PUM1: variants seen among roughly 807,000 people sequenced by gnomAD.
PUM1 encodes the protein pumilio RNA binding family member 1, also known as pumilio homolog 1.
PUM1 carries 13 observed loss-of-function variants against 131.8 expected under a neutral mutation model. The observed-to-expected ratio is 0.10, with a 90% CI of 0.06 to 0.16. PUM1 has a LOEUF of 0.16. PUM1 is among the 10% of genes least tolerant of loss of function. The pLI is 1.00. For synonymous variants in PUM1, 509 were observed against 556.5 expected (o/e 0.91, Z 1.20); for missense variants, 961 against 1,512.4 (o/e 0.64, Z 6.05).
chr1:30,964,380 A>G (rs1430381372), intron 14 of PUM1, among the ~76,000 whole-genome samples: 1 of 152,162 alleles, frequency 6.6e-6, no homozygotes, highest in Non-Finnish European at 1.5e-5. Context: ...ACTGAAATGA[A>G]CCTGTGTTTA....
At chr1:30,976,395 G>C (rs1641138492) in intron 9 of PUM1, among the ~76,000 whole-genome samples, 1 of 152,178 alleles carries the variant, frequency 6.6e-6, no homozygotes, top group Non-Finnish European at 1.5e-5. Context: ...TTTCCAACTT[G>C]ATTCATTAAC....
At chr1:31,028,304 A>T (rs2124545997) in intron 3 of PUM1, among the ~76,000 whole-genome samples, 1 of 152,036 alleles carries the variant, frequency 6.6e-6, no homozygotes, top group Admixed American at 6.6e-5. Flanking sequence ...AAACCTAACA[A>T]CTTCCCTTTC....
In PUM1 at chr1:30,936,636, G is replaced by A. The variant is rs115183923; in HGVS notation, c.3435+7C>T. ...CTTTCTCTGAGACCCTGCCCAGCCC[G>A]GCCTACCTTATGCATGACGATCTTC... On this transcript the variant is annotated splice_region_variant and intron_variant, in intron 21 of 21. Transcript: ENST00000426105. 3.5e-4 allele frequency: 557 copies of A among 1,610,836 alleles called. 1 individual carries two copies. In the African/African-American group the frequency reaches 6.6e-3, roughly 19 times the overall value.
chr1:31,034,120 C>G (rs1643527653), intron 2 of PUM1, among the ~76,000 whole-genome samples: 1 of 152,172 alleles, frequency 6.6e-6, no homozygotes. Context: ...ACCATGCATT[C>G]TGGAATAAAA....
chr1:31,029,786 G>T (rs960545756), intron 2 of PUM1, among the ~76,000 whole-genome samples: 1 of 151,956 alleles, frequency 6.6e-6, no homozygotes, highest in Admixed American at 6.6e-5. Flanking sequence ...TTGGGCTGTG[G>T]TGGCACACAC....
chr1:30,989,717 C>T (rs1025326803), intron 7 of PUM1, among the ~76,000 whole-genome samples: 8 of 151,780 alleles, frequency 5.3e-5, no homozygotes, highest in Admixed American at 5.2e-4. Flanking sequence ...CGAGTACTTC[C>T]ATGCACAATT....
chr1:31,065,101 C>A (rs1333995236), intron 1 of PUM1, among the ~76,000 whole-genome samples: 1 of 152,122 alleles, frequency 6.6e-6, no homozygotes, highest in Non-Finnish European at 1.5e-5. Flanking sequence ...GCAAAGTTCC[C>A]CCACGGTGAA....
At chr1:30,983,547 T>C (rs973767194) in intron 7 of PUM1, among the ~76,000 whole-genome samples, 2 of 152,204 alleles carry the variant, frequency 1.3e-5, no homozygotes, top group Non-Finnish European at 2.9e-5. Flanking sequence ...TCTCGATTTA[T>C]TAACCAAAAA....
intron 16 of PUM1, 89 bp downstream of exon 16, chr1:30,952,140 CTGGAA>C: frequency 8.0e-7 from 1 of 1,247,818 alleles, no homozygotes; most frequent in Non-Finnish European, 1.2e-6. Flanking sequence ...ATTCTGAGGA[CTGGAA>C]TGGGACTGCT....
rs550793475 is a variant in PUM1 at position 30,953,997 on chromosome 1, C to G, written c.2324-16G>C. On this transcript the variant is annotated splice_polypyrimidine_tract_variant and intron_variant, in intron 14 of 21. Coordinates refer to ENST00000426105, the MANE Select transcript of PUM1 (RefSeq NM_001020658.2). ...GTGAGTCCTCCTGTTGGTTACAGAA[C>G]AGGATAACTTAAGACCACTCTTCAG... 1.4e-5 allele frequency: 22 copies of G among 1,610,786 alleles called. No individual in the cohort carries two copies. The South Asian group carries it at 2.3e-4, about 17-fold the overall frequency.
chr1:31,000,904 G>A (rs959884787), intron 5 of PUM1, among the ~76,000 whole-genome samples: 1 of 152,178 alleles, frequency 6.6e-6, no homozygotes, highest in African/African-American at 2.4e-5. Context: ...AGCTGGGTGT[G>A]GGCCGGGCAC....
intron 18 of PUM1, among the ~76,000 whole-genome samples, chr1:30,942,931 T>G (rs566127646): frequency 6.6e-6 from 1 of 152,012 alleles, no homozygotes; most frequent in Non-Finnish European, 1.5e-5. Flanking sequence ...TAAAAAAAAA[T>G]TGTGTGTAGA....
Position 30,982,898 on chromosome 1 carries a change from T to C in PUM1, c.1159-1493A>G, listed in dbSNP as rs566945670. 1.8e-4 allele frequency among the ~76,000 whole-genome samples: 28 copies of C among 152,350 alleles called. No homozygotes were observed. The South Asian group carries it at 5.4e-3, about 29-fold the overall frequency. On this transcript the variant is annotated intron_variant, in intron 7 of 21. Coordinates refer to ENST00000426105, the MANE Select transcript of PUM1 (RefSeq NM_001020658.2). ...GGAGTATGAATGTCAAAAGTAACCA[T>C]GCACAGATTTCAAAAATACTTTAGT...
chr1:31,057,551 C>A (rs1644271274), intron 2 of PUM1, among the ~76,000 whole-genome samples: 1 of 151,154 alleles, frequency 6.6e-6, no homozygotes. Context: ...ATGGTGAAAC[C>A]CTCTCTCTGC....
At chr1:31,057,637 A>C (rs1245654633) in intron 2 of PUM1, among the ~76,000 whole-genome samples, 6 of 144,128 alleles carry the variant, frequency 4.2e-5, no homozygotes, top group Non-Finnish European at 7.5e-5. Context: ...AGGCAGGAGA[A>C]TTGCTTAAAC....
At chr1:30,982,972 C>T (rs1277550594) in intron 7 of PUM1, among the ~76,000 whole-genome samples, 2 of 152,092 alleles carry the variant, frequency 1.3e-5, no homozygotes, top group African/African-American at 4.8e-5. Flanking sequence ...TAAAGAAAAA[C>T]TTCACTGCGA....
chr1:31,064,302 C>G (rs1570386765), intron 1 of PUM1, among the ~76,000 whole-genome samples: 2 of 152,108 alleles, frequency 1.3e-5, no homozygotes, highest in African/African-American at 2.4e-5. Flanking sequence ...TGGCCTTGAA[C>G]AAAATGAATT....
In PUM1 at chr1:30,952,113, A is replaced by C. The variant is rs191761973; in HGVS notation, c.2721+121T>G. On this transcript the variant is annotated intron_variant, in intron 16 of 21. Transcript: ENST00000426105. ...GAAAAACACTAAAAACCTCTTCAAA[A>C]AGACCACACACCCTTCATTCTGAGG... is the stretch of plus-strand genomic sequence containing the variant. 1.3e-5 allele frequency: 12 copies of C among 927,600 alleles called. No individual in the cohort carries two copies. The African/African-American group carries it at 2.0e-4, about 15-fold the overall frequency. The allele number at this position is 927,600 out of a possible 1,614,324, so 57.5% of individuals were successfully genotyped here. A position where few individuals can be genotyped will look rare whatever the true frequency, so the allele number is the denominator to read the frequency against.
At chr1:30,962,497 G>A (rs1025384790) in intron 14 of PUM1, among the ~76,000 whole-genome samples, 1 of 152,126 alleles carries the variant, frequency 6.6e-6, no homozygotes, top group East Asian at 1.9e-4. Context: ...ACTGCAGCCT[G>A]TCTCCCAGGT....
Sources: allele counts gnomAD v4.1 joint callset (sites outside exome capture counted in the v4.1 genomes callset), GRCh38; gene constraint gnomAD v4.1.1; transcripts MANE v1.5; gene names NCBI Gene and HGNC (gene_info 2026-07-23, HGNC 2026-07-21).